FAM241A: variants seen among roughly 807,000 people sequenced by gnomAD.
FAM241A encodes the protein uncharacterized protein FAM241A.
In FAM241A, 7 loss-of-function variants were observed where a neutral mutation model predicts 12.2. The observed-to-expected ratio is 0.58, with a 90% confidence interval of 0.33 to 1.08. FAM241A has a LOEUF of 1.08. Ranked by LOEUF, FAM241A falls within the 50% of genes least tolerant of loss-of-function variation. The pLI is 0.04. For synonymous variants in FAM241A, 74 were observed against 68.2 expected (o/e 1.08, Z -0.42); for missense variants, 161 against 169.7 (o/e 0.95, Z 0.29).
chr4:112,156,554 C>A (rs1351612561), intron 1 of FAM241A, among the ~76,000 whole-genome samples: 1 of 152,196 alleles, frequency 6.6e-6, no homozygotes, highest in African/African-American at 2.4e-5. Context: ...ATTTGGGCAT[C>A]TCTGAGCTAC....
Position 112,160,972 on chromosome 4 carries a change from G to A in FAM241A, c.153+15239G>A, listed in dbSNP as rs149851578. Among the ~76,000 whole-genome samples, 134 of 152,212 alleles carry A rather than the reference G, an allele frequency of 8.8e-4. 1 individual carries two copies. The East Asian group carries it at 0.02, about 23-fold the overall frequency. ...ATGAAACTACTACAAGAAAACATTG[G>A]GGAAAAGCTCCAGGACATTAGTTTG... is the stretch of plus-strand genomic sequence containing the variant. On this transcript the variant is annotated intron_variant, in intron 1 of 1. Coordinates refer to ENST00000309733, the MANE Select transcript of FAM241A (RefSeq NM_152400.3).
chr4:112,174,800 C>T (rs941037484), intron 1 of FAM241A, among the ~76,000 whole-genome samples: 1 of 152,178 alleles, frequency 6.6e-6, no homozygotes, highest in African/African-American at 2.4e-5. Context: ...CCCATCAACA[C>T]AGGACAATAG....
intron 1 of FAM241A, among the ~76,000 whole-genome samples, chr4:112,162,969 C>CCTCAG (rs1723509432): frequency 1.3e-5 from 2 of 152,054 alleles, no homozygotes; most frequent in African/African-American, 4.8e-5. Context: ...AGAGATAGAC[C>CCTCAG]AATGGAACAG....
intron 1 of FAM241A, among the ~76,000 whole-genome samples, chr4:112,182,206 C>A (rs1723954218): frequency 6.6e-6 from 1 of 152,070 alleles, no homozygotes; most frequent in African/African-American, 2.4e-5. Flanking sequence ...CATTCACTGA[C>A]CTAGGGAGCA....
intron 1 of FAM241A, among the ~76,000 whole-genome samples, chr4:112,172,892 T>C (rs1723751437): frequency 6.6e-6 from 1 of 152,172 alleles, no homozygotes; most frequent in African/African-American, 2.4e-5. Flanking sequence ...TGCCAGATAT[T>C]TTGTGTTTGT....
intron 1 of FAM241A, among the ~76,000 whole-genome samples, chr4:112,162,697 G>A (rs1723501181): frequency 6.6e-6 from 1 of 152,172 alleles, no homozygotes; most frequent in Non-Finnish European, 1.5e-5. Flanking sequence ...ATGCTCATGG[G>A]TAGGAAGAAT....
chr4:112,171,162 A>G (rs1018630900), intron 1 of FAM241A: 3 of 501,594 alleles, frequency 6.0e-6, no homozygotes, highest in Non-Finnish European at 1.1e-5. Flanking sequence ...CCACAAAACC[A>G]TTTTAAAATT....
chr4:112,181,611 A>G (rs994882357), intron 1 of FAM241A, among the ~76,000 whole-genome samples: 36 of 152,332 alleles, frequency 2.4e-4, no homozygotes, highest in African/African-American at 7.9e-4. Context: ...AAAGAGCATT[A>G]CCTGATGCTG....
At chr4:112,177,447 A>G (rs1723845129) in intron 1 of FAM241A, among the ~76,000 whole-genome samples, 1 of 152,144 alleles carries the variant, frequency 6.6e-6, no homozygotes, top group African/African-American at 2.4e-5. Flanking sequence ...TGGAGTAAGA[A>G]TAACCAGGTT....
chr4:112,174,908 G>A (rs1723790259), intron 1 of FAM241A, among the ~76,000 whole-genome samples: 1 of 152,234 alleles, frequency 6.6e-6, no homozygotes, highest in Non-Finnish European at 1.5e-5. Flanking sequence ...AGGCTTTAAA[G>A]TGACATCACT....
chr4:112,169,268 A>G (rs1723668281), intron 1 of FAM241A, among the ~76,000 whole-genome samples: 1 of 152,166 alleles, frequency 6.6e-6, no homozygotes, highest in African/African-American at 2.4e-5. Flanking sequence ...GGTGCCGCTG[A>G]TTTTGAATAT....
At chr4:112,153,724 G>C (rs1171415028) in intron 1 of FAM241A, among the ~76,000 whole-genome samples, 1 of 152,180 alleles carries the variant, frequency 6.6e-6, no homozygotes, top group Non-Finnish European at 1.5e-5. Context: ...GGAAGAGGAA[G>C]TGATTGGCTT....
rs1724122523 is a variant in FAM241A, at chr4:112,189,571, A to G, written c.*2633A>G. 1 of 152,188 alleles carries G rather than the reference A, an allele frequency of 6.6e-6. No homozygotes were observed. The highest frequency in any genetic ancestry group is 1.5e-5 in the Non-Finnish European group (1 of 68,036). The allele number at this position is 152,188 out of a possible 1,614,324, so 9.4% of individuals were successfully genotyped here. A position where few individuals can be genotyped will look rare whatever the true frequency, so the allele number is the denominator to read the frequency against. ...CGAAGTCTACAAATAAACAGACTGT[A>G]GATGAGTAAATCCATTTTTCTTAAA... is the stretch of plus-strand genomic sequence containing the variant. On this transcript the variant is annotated 3_prime_UTR_variant, in exon 2 of 2. Transcript: ENST00000309733.
intron 1 of FAM241A, 106 bp downstream of exon 1, chr4:112,145,839 C>T (rs1578367291): frequency 1.5e-6 from 1 of 677,868 alleles, no homozygotes; most frequent in East Asian, 9.0e-5. Flanking sequence ...CGCAGCTCTG[C>T]CCCGCGTGGG....
Position 112,186,860 on chromosome 4 carries a change from T to C in FAM241A, c.321T>C (p.Val107=). Residue 107 remains valine, a synonymous_variant, in exon 2 of 2, where the codon GTT becomes GTC. Transcript: ENST00000309733. The stretch of plus-strand genomic sequence containing the variant: ...CAGTAATAGTCATTTTCTTTTGGGT[T>C]ATGCTGTGGTTCCTTGGCCTGCAAG... ...VEPVIVIFFW[V]MLWFLGLQAL... 1 of 1,614,120 alleles carries C rather than the reference T, an allele frequency of 6.2e-7. No individual in the cohort carries two copies. Among genetic ancestry groups the C allele is most frequent in the Non-Finnish European group, 8.5e-7 (1 of 1,179,974 alleles).
intron 1 of FAM241A, among the ~76,000 whole-genome samples, chr4:112,185,452 G>A (rs1724019016): frequency 6.6e-6 from 1 of 152,124 alleles, no homozygotes; most frequent in Non-Finnish European, 1.5e-5. Context: ...CCAGCAAGCT[G>A]TGCTTTAACA....
intron 1 of FAM241A, among the ~76,000 whole-genome samples, chr4:112,168,731 C>G (rs1411166801): frequency 6.6e-6 from 1 of 152,010 alleles, no homozygotes; most frequent in Non-Finnish European, 1.5e-5. Flanking sequence ...ATGGCGCGAT[C>G]TCAGCTCATT....
chr4:112,181,095 A>G (rs2110434186), intron 1 of FAM241A, among the ~76,000 whole-genome samples: 1 of 152,300 alleles, frequency 6.6e-6, no homozygotes, highest in Admixed American at 6.5e-5. Context: ...AACTAGCTCT[A>G]GTAAAGAGAA....
chr4:112,156,531 G>A (rs1428249683), intron 1 of FAM241A, among the ~76,000 whole-genome samples: 1 of 152,160 alleles, frequency 6.6e-6, no homozygotes, highest in East Asian at 1.9e-4. Context: ...TATGGCAAAT[G>A]TTTCAGAAAA....
Sources: allele counts gnomAD v4.1 joint callset (sites outside exome capture counted in the v4.1 genomes callset), GRCh38; gene constraint gnomAD v4.1.1; transcripts MANE v1.5; gene names NCBI Gene and HGNC (gene_info 2026-07-23, HGNC 2026-07-21).